Variants in SPDL1 observed in about 807,000 individuals in gnomAD.
The protein encoded by SPDL1 is spindle apparatus coiled-coil protein 1.
In SPDL1, 85 loss-of-function variants were observed where a neutral mutation model predicts 79.5. The observed-to-expected ratio is 1.07, with a 90% CI of 0.90 to 1.28. The LOEUF (loss-of-function observed/expected upper bound fraction) is 1.28, where lower values mean the gene tolerates loss of function less well. Ranked by LOEUF, SPDL1 falls within the 50% of genes most tolerant of loss-of-function variation. The pLI is 0.00. For synonymous variants in SPDL1, 269 were observed against 240.3 expected (o/e 1.12, Z -1.10); for missense variants, 703 against 697.8 (o/e 1.01, Z -0.08).
intron 8 of SPDL1, 83 bp downstream of exon 8, chr5:169,596,784 A>G (rs1755610065): frequency 4.4e-6 from 5 of 1,143,338 alleles, no homozygotes; most frequent in Non-Finnish European, 6.1e-6. Flanking sequence ...AGTTTAAATT[A>G]TTAATAAATA....
chr5:169,600,605 TC>T (rs1755828246), intron 10 of SPDL1, among the ~76,000 whole-genome samples: 1 of 152,190 alleles, frequency 6.6e-6, no homozygotes, highest in Admixed American at 6.5e-5. Flanking sequence ...AGCAGTTAAT[TC>T]AGTGGCTGTG....
chr5:169,600,955 C>T (rs112917872), intron 10 of SPDL1, among the ~76,000 whole-genome samples: 35 of 152,232 alleles, frequency 2.3e-4, no homozygotes, highest in African/African-American at 6.0e-4. Context: ...TGGACTCTGC[C>T]GCTGTCTCTT....
chr5:169,590,758 A>G (rs537973411), intron 2 of SPDL1: 21 of 490,266 alleles, frequency 4.3e-5, no homozygotes, highest in South Asian at 2.5e-4. Context: ...GTTAGCAGAG[A>G]TTACTTGACT....
intron 2 of SPDL1, 109 bp downstream of exon 2, chr5:169,588,684 T>C: frequency 9.9e-7 from 1 of 1,008,662 alleles, no homozygotes; most frequent in South Asian, 2.2e-5. Flanking sequence ...AGATTTTAGA[T>C]CTAGTTCCCG....
Position 169,604,417 on chromosome 5 carries a change from A to G in SPDL1, c.*210A>G, listed in dbSNP as rs1417190276. On this transcript the variant is annotated 3_prime_UTR_variant, in exon 12 of 12. Transcript: ENST00000265295. ...AGTGATGCCCCTTCATGGAGCTTCT[A>G]TGACAGTGAATAAACTATTAATTGA... is the stretch of plus-strand genomic sequence containing the variant. 2.9e-6 allele frequency: 1 copy of G among 339,286 alleles called. No homozygotes were observed. Among genetic ancestry groups the G allele is most frequent in the African/African-American group, 2.1e-5 (1 of 47,512 alleles). The allele number at this position is 339,286 out of a possible 1,614,324, so 21.0% of individuals were successfully genotyped here.
At position 169,596,602 on chromosome 5, in the gene SPDL1, T is replaced by G; in HGVS notation, c.933T>G (p.Thr311=). ...TGCTACAGATGAAAGGGTCTCAAAC[T>G]GAATTTGAGCAGCAGGAACGGTTGC... ...ATLLQMKGSQ[T]EFEQQERLLA... is the part of the protein sequence containing the mutation. The change falls in exon 8 of 12, where the codon ACT becomes ACG. Residue 311 remains threonine (T), a synonymous_variant. Coordinates refer to ENST00000265295, the MANE Select transcript of SPDL1 (RefSeq NM_017785.5). 1 of 1,611,588 alleles carries G rather than the reference T, an allele frequency of 6.2e-7. No homozygotes were observed. The highest frequency in any genetic ancestry group is 8.5e-7 in the Non-Finnish European group (1 of 1,179,182).
intron 2 of SPDL1, among the ~76,000 whole-genome samples, chr5:169,589,136 A>G (rs1216774584): frequency 6.6e-6 from 1 of 152,164 alleles, no homozygotes; most frequent in African/African-American, 2.4e-5. Context: ...AAAATCTAGA[A>G]CTTTTAGTCA....
chr5:169,598,453 A>G, intron 8 of SPDL1, 23 bp from the exon 9 acceptor site: 12 of 1,423,026 alleles, frequency 8.4e-6, no homozygotes, highest in Non-Finnish European at 1.1e-5. Context: ...ATTTTAAGTA[A>G]TACAAACTTT....
intron 7 of SPDL1, chr5:169,596,076 A>G (rs1237233640): frequency 6.5e-6 from 1 of 152,930 alleles, no homozygotes; most frequent in Non-Finnish European, 1.5e-5. Context: ...GGTATATTGA[A>G]GATTACCCCA....
Position 169,604,549 on chromosome 5 carries a change from CAT to C in SPDL1, c.*345_*346del, listed in dbSNP as rs1307438107. ...GCCATGTATTTGAGAATGCTTCAAT[CAT>C]ATTTTCCTATGTACTTTTTTTTATA... is the stretch of plus-strand genomic sequence containing the variant. On this transcript the variant is annotated 3_prime_UTR_variant, in exon 12 of 12. Transcript: ENST00000265295. The C allele has an allele frequency of 6.3e-6, 1 of 157,868 alleles. No individual in the cohort carries two copies. The highest frequency in any genetic ancestry group is 2.4e-5 in the African/African-American group (1 of 41,730). 9.8% of individuals were successfully genotyped at this position (157,868 alleles called of 1,614,324 possible).
At position 169,601,353 on chromosome 5, in the gene SPDL1, A is replaced by G. The variant is rs764253022; in HGVS notation, c.1398A>G (p.Ala466=). ...TGGATATAACCACCGCTAAAGATGC[A>G]TGTGTCAACAACAGTGCTCTCGGGG... ...LPVDITTAKD[A]CVNNSALGGE... Residue 466 remains alanine, a synonymous_variant, in exon 11 of 12, where the codon GCA becomes GCG. Coordinates refer to ENST00000265295, the MANE Select transcript of SPDL1 (RefSeq NM_017785.5). 4 of 1,613,910 alleles carry G rather than the reference A, an allele frequency of 2.5e-6. No homozygotes were observed. Among genetic ancestry groups the G allele is most frequent in the African/African-American group, 1.3e-5 (1 of 74,972 alleles).
intron 7 of SPDL1, among the ~76,000 whole-genome samples, 160 bp from the exon 8 acceptor site, chr5:169,596,401 T>C (rs1179233237): frequency 2.0e-5 from 3 of 152,188 alleles, no homozygotes; most frequent in African/African-American, 4.8e-5. Flanking sequence ...TCAAATGTTA[T>C]GTCTACAAAA....
intron 2 of SPDL1, 180 bp from the exon 3 acceptor site, chr5:169,590,868 C>T: frequency 1.5e-6 from 1 of 673,154 alleles, no homozygotes; most frequent in Non-Finnish European, 2.7e-6. Flanking sequence ...TCGAAATACA[C>T]CTCAGGGGTT....
intron 11 of SPDL1, 60 bp from the exon 12 acceptor site, chr5:169,604,000 T>A: frequency 6.5e-7 from 1 of 1,536,722 alleles, no homozygotes; most frequent in Non-Finnish European, 8.7e-7. Flanking sequence ...ACTGGGGGTT[T>A]GTTTCTTCAA....
rs766016340 is a variant in SPDL1, at chr5:169,588,399, TAA to T, written c.-11_-10del. ...TTTATTTCCTCTATTTACAGTTGGCTAAAAAAAAGAAAAGAACATGGAGGCAG... is the reference window on the plus strand; with the variant it reads ...TTTATTTCCTCTATTTACAGTTGGCTAAAAAAGAAAAGAACATGGAGGCAG... On this transcript the variant is annotated 5_prime_UTR_variant, in exon 2 of 12. Coordinates refer to ENST00000265295, the MANE Select transcript of SPDL1 (RefSeq NM_017785.5). 6.3e-7 allele frequency: 1 copy of T among 1,585,664 alleles called. No homozygotes were observed. Among genetic ancestry groups the T allele is most frequent in the South Asian group, 1.2e-5 (1 of 85,786 alleles).
intron 11 of SPDL1, among the ~76,000 whole-genome samples, chr5:169,603,669 CGTG>C (rs2113402956): frequency 6.6e-6 from 1 of 152,220 alleles, no homozygotes; most frequent in South Asian, 2.1e-4. Flanking sequence ...TCCTGACCAA[CGTG>C]GTGAAACCCT....
chr5:169,596,302 G>T, intron 7 of SPDL1: 1 of 357,490 alleles, frequency 2.8e-6, no homozygotes, highest in Non-Finnish European at 5.0e-6. Context: ...TCAGACCACA[G>T]CCATGCAAGT....
chr5:169,591,012 T>C (rs374196458), intron 2 of SPDL1, 36 bp from the exon 3 acceptor site: 7 of 1,552,172 alleles, frequency 4.5e-6, no homozygotes, highest in Non-Finnish European at 5.3e-6. Context: ...TTAGGCTATT[T>C]TTATGTAATT....
chr5:169,593,368 A>G lies in SPDL1; in HGVS notation c.351A>G (p.Lys117=), dbSNP rs745472722. Residue 117 remains lysine (K), a synonymous_variant, in exon 4 of 12, where the codon AAA becomes AAG. Transcript: ENST00000265295. ...TTTGGCTTTAGATAGAAAAACTGAA[A>G]GTGGAATTAGATGAAGCCAGGCTTA... is the stretch of plus-strand genomic sequence containing the variant. ...NELKTKIEKL[K]VELDEARLSE... 2.7e-5 allele frequency: 43 copies of G among 1,584,358 alleles called. 1 individual carries two copies. The South Asian group carries it at 4.9e-4, about 18-fold the overall frequency.
Sources: allele counts gnomAD v4.1 joint callset (sites outside exome capture counted in the v4.1 genomes callset), GRCh38; gene constraint gnomAD v4.1.1; transcripts MANE v1.5; gene names NCBI Gene and HGNC (gene_info 2026-07-23, HGNC 2026-07-21).